The following PLAGL1 variants were observed in gnomAD, a reference collection of about 807,000 sequenced individuals.
PLAGL1 encodes zinc finger protein PLAGL1.
A neutral mutation model predicts 4.6 loss-of-function variants in PLAGL1; 1 was observed. That is an observed-to-expected ratio of 0.22 (90% CI 0.08 to 1.03). PLAGL1 has a LOEUF of 1.03. Among genes scored for constraint, PLAGL1 ranks in the 50% least tolerant of loss-of-function variants. The pLI, the probability that PLAGL1 is intolerant of heterozygous loss-of-function variation, is 0.58. For synonymous variants in PLAGL1, 240 were observed against 237.8 expected (o/e 1.01, Z -0.08); for missense variants, 464 against 570.4 (o/e 0.81, Z 1.90).
intron 1 of PLAGL1, among the ~76,000 whole-genome samples, chr6:144,024,295 T>C (rs1380006182): frequency 6.6e-6 from 1 of 152,022 alleles, no homozygotes; most frequent in African/African-American, 2.4e-5. Context: ...ATGTGAGGGG[T>C]GGGCAGGGAA....
chr6:144,047,201 C>T (rs548245444), intron 1 of PLAGL1, among the ~76,000 whole-genome samples: 4 of 152,324 alleles, frequency 2.6e-5, no homozygotes, highest in African/African-American at 9.6e-5. Context: ...CCATGGGCTG[C>T]ACCCACTGTC....
Position 143,979,472 on chromosome 6 carries a change from C to T in PLAGL1, c.-544+5663G>A, listed in dbSNP as rs1213376526. ...ATTGATTATTTTTCTCTAGTTTTAT[C>T]TCCTTTGGCTTATAACTATGTTTTG... On this transcript the variant is annotated intron_variant, in intron 2 of 7. Transcript: ENST00000674357. This position sits in a 1 kb window ranked among gnomAD's most constrained non-coding sequence, Gnocchi z 4.6. Among the ~76,000 whole-genome samples the T allele has an allele frequency of 6.6e-6, 1 of 151,908 alleles. No individual in the cohort carries two copies. The highest frequency in any genetic ancestry group is 1.5e-5 in the Non-Finnish European group (1 of 67,912).
Position 143,961,528 on chromosome 6 carries a change from T to C in PLAGL1, c.-398-986A>G, listed in dbSNP as rs569589919. The C allele has an allele frequency of 6.6e-6, 1 of 152,366 alleles. No homozygotes were observed. The highest frequency in any genetic ancestry group is 6.5e-5 in the Admixed American group (1 of 15,306). The allele number at this position is 152,366 out of a possible 1,614,324, so 9.4% of individuals were successfully genotyped here. A position where few individuals can be genotyped will look rare whatever the true frequency, so the allele number is the denominator to read the frequency against. ...CAAGGCCATTTTGGGACAACTGTTT[T>C]TAACGTTAATGCATCACAATACAGG... On this transcript the variant is annotated intron_variant, in intron 5 of 7. Transcript: ENST00000674357. The surrounding 1 kb of genome is among the most constrained non-coding windows in gnomAD (Gnocchi z 6.5).
chr6:144,059,513 G>T lies in PLAGL1; in HGVS notation c.-151+4955C>A, dbSNP rs1054477619. ...TTTCCTGGGGACCCTGTGACCTCCT[G>T]CTCTGTAACCTCCCTTCTCAATAAT... On this transcript the variant is annotated intron_variant, in intron 1 of 3. Coordinates refer to the PLAGL1 transcript ENST00000437412. The surrounding 1 kb of genome is among the most constrained non-coding windows in gnomAD (Gnocchi z 4.9). Among the ~76,000 whole-genome samples, 24 of 152,140 alleles carry T rather than the reference G, an allele frequency of 1.6e-4. No individual in the cohort carries two copies. Among genetic ancestry groups the T allele is most frequent in the Non-Finnish European group, 3.2e-4 (22 of 68,034 alleles).
intron 1 of PLAGL1, among the ~76,000 whole-genome samples, chr6:144,024,879 C>T (rs1052719782): frequency 8.6e-5 from 13 of 152,044 alleles, no homozygotes; most frequent in African/African-American, 3.1e-4. Flanking sequence ...CATACTGATA[C>T]AAATAATTGA....
chr6:143,940,626 T>C lies in PLAGL1; in HGVS notation c.*798A>G, dbSNP rs1281263864. ...ATATATATATTTTTAATTCCAGTAA[T>C]ATTTTCTTAAATTCCTGTTAAAAAT... On this transcript the variant is annotated 3_prime_UTR_variant, in exon 8 of 8. Transcript: ENST00000674357. The C allele has an allele frequency of 6.6e-6, 1 of 152,564 alleles. No homozygotes were observed. The highest frequency in any genetic ancestry group is 2.4e-5 in the African/African-American group (1 of 41,562). 9.5% of individuals were successfully genotyped at this position (152,564 alleles called of 1,614,324 possible). A position where few individuals can be genotyped will look rare whatever the true frequency, so the allele number is the denominator to read the frequency against.
At chr6:144,011,692 A>G (rs1355031854), upstream of PLAGL1, among the ~76,000 whole-genome samples, 1 of 152,142 alleles carries the variant, frequency 6.6e-6, no homozygotes, top group Non-Finnish European at 1.5e-5. This position sits in a 1 kb window ranked among gnomAD's most constrained non-coding sequence, Gnocchi z 4.3. Flanking sequence ...TCGGACAAGG[A>G]GAGGTGGGGG....
chr6:143,996,611 C>T (rs1791668519), intron 1 of PLAGL1, among the ~76,000 whole-genome samples: 7 of 134,446 alleles, frequency 5.2e-5, no homozygotes, highest in Admixed American at 5.2e-4. Flanking sequence ...CTTATTTATT[C>T]CCTTTTTTTT....
rs187358890 is a variant in PLAGL1 at position 143,988,424 on chromosome 6, G to C, written c.-583-3250C>G. On this transcript the variant is annotated intron_variant, in intron 1 of 7. Transcript: ENST00000674357. ...TACAATCACAGCAGAGTTAATGGTAGGTTGGCTCCACTTCATCAGAGGTTC... is the reference window on the plus strand; with the variant it reads ...TACAATCACAGCAGAGTTAATGGTACGTTGGCTCCACTTCATCAGAGGTTC... Among the ~76,000 whole-genome samples the C allele has an allele frequency of 1.3e-4, 20 of 152,294 alleles. No homozygotes were observed. In the East Asian group the frequency reaches 3.7e-3, roughly 28 times the overall value.
At chr6:144,014,727 A>C (rs1795453376) in intron 1 of PLAGL1, among the ~76,000 whole-genome samples, 1 of 151,872 alleles carries the variant, frequency 6.6e-6, no homozygotes, top group Non-Finnish European at 1.5e-5. Flanking sequence ...CTACAGAGAG[A>C]TGCCACGGCA....
In PLAGL1 at chr6:143,989,057, T is replaced by C. The variant is rs1013782842; in HGVS notation, c.-583-3883A>G. Among the ~76,000 whole-genome samples, 2 of 151,938 alleles carry C rather than the reference T, an allele frequency of 1.3e-5. No homozygotes were observed. Among genetic ancestry groups the C allele is most frequent in the Non-Finnish European group, 2.9e-5 (2 of 67,970 alleles). ...ATAACAGAGGGAGAAAAATTCAGAG[T>C]AGACCACTCAAAACCTATGCACTTT... On this transcript the variant is annotated intron_variant, in intron 1 of 7. Coordinates refer to ENST00000674357, the MANE Select transcript of PLAGL1 (RefSeq NM_001317162.2). The surrounding 1 kb of genome is among the most constrained non-coding windows in gnomAD (Gnocchi z 4.8).
At position 143,958,713 on chromosome 6, in the gene PLAGL1, T is replaced by C. The variant is rs1440029811; in HGVS notation, c.-325+1756A>G. 6.6e-6 allele frequency among the ~76,000 whole-genome samples: 1 copy of C among 152,254 alleles called. No homozygotes were observed. The highest frequency in any genetic ancestry group is 2.4e-5 in the African/African-American group (1 of 41,468). On this transcript the variant is annotated intron_variant, in intron 6 of 7. Transcript: ENST00000674357. This position sits in a 1 kb window ranked among gnomAD's most constrained non-coding sequence, Gnocchi z 5.1. ...GGTCCTTTAAGATTATCCTGATTCT[T>C]GATTTTTTCTTTTTAAACTGATTAA...
chr6:144,000,810 T>C lies in PLAGL1; in HGVS notation c.-584+7280A>G, dbSNP rs1297802438. Among the ~76,000 whole-genome samples the C allele has an allele frequency of 6.6e-6, 1 of 152,160 alleles. No homozygotes were observed. The highest frequency in any genetic ancestry group is 1.5e-5 in the Non-Finnish European group (1 of 67,996). ...AGAGCTAGACATTCTAAAACAAACC[T>C]TTTAATACTTGCAAAGTTCTAAGAA... On this transcript the variant is annotated intron_variant, in intron 1 of 7. Transcript: ENST00000674357. This position sits in a 1 kb window ranked among gnomAD's most constrained non-coding sequence, Gnocchi z 4.1.
At position 144,058,705 on chromosome 6, in the gene PLAGL1, G is replaced by A. The variant is rs553603335; in HGVS notation, c.-151+5763C>T. 1.5e-4 allele frequency among the ~76,000 whole-genome samples: 23 copies of A among 152,312 alleles called. No individual in the cohort carries two copies. The South Asian group carries it at 4.6e-3, about 30-fold the overall frequency. On this transcript the variant is annotated intron_variant, in intron 1 of 3. Transcript: ENST00000437412. ...AAAGAAAGGGGTAATTTTCATGCAAGTCTGAAACCCAGCAGGGCAGTTATT... is the reference window on the plus strand; with the variant it reads ...AAAGAAAGGGGTAATTTTCATGCAAATCTGAAACCCAGCAGGGCAGTTATT...
intron 1 of PLAGL1, among the ~76,000 whole-genome samples, chr6:144,023,315 G>T (rs1460347777): frequency 6.6e-6 from 1 of 152,124 alleles, no homozygotes; most frequent in African/African-American, 2.4e-5. Flanking sequence ...TAACATAGTG[G>T]TGGATACATA....
upstream of PLAGL1, among the ~76,000 whole-genome samples, chr6:144,011,715 G>T (rs1467875366): frequency 6.6e-6 from 1 of 152,214 alleles, no homozygotes; most frequent in Non-Finnish European, 1.5e-5. The surrounding 1 kb of genome is among the most constrained non-coding windows in gnomAD (Gnocchi z 4.3). Flanking sequence ...AAGGGGATGT[G>T]TGGAATTCAG....
chr6:143,942,233 G>A lies in PLAGL1; in HGVS notation c.583C>T (p.Arg195Cys), dbSNP rs1477525550. 1 of 1,614,098 alleles carries A rather than the reference G, an allele frequency of 6.2e-7. No individual in the cohort carries two copies. The highest frequency in any genetic ancestry group is 1.1e-5 in the South Asian group (1 of 91,070). The change falls in exon 8 of 8, where the codon CGC (arginine) becomes TGC (cysteine). Residue 195 changes from arginine to cysteine, a missense_variant. This residue lies in a region of PLAGL1 where 35 missense variants were observed against 77.3 expected (regional missense o/e 0.45). Coordinates refer to ENST00000674357, the MANE Select transcript of PLAGL1 (RefSeq NM_001317162.2). The surrounding 1 kb of genome is among the most constrained non-coding windows in gnomAD (Gnocchi z 7.6). ...LCQFCAQRFG[R>C]KDHLTRHTKK... ...GTATGCCGGGTGAGGTGATCCTTGC[G>A]CCCAAATCTCTGGGCACAGAACTGG...
rs9321955 is a variant in PLAGL1, at chr6:143,983,590, A to C, written c.-544+1545T>G. Among the ~76,000 whole-genome samples the C allele has an allele frequency of 0.74, 112,532 of 152,016 alleles. 42,174 individuals carry two copies. The highest frequency in any genetic ancestry group is 0.88 in the East Asian group (4,519 of 5,160). ...TGCTGCAGGCATGGAATCAGCAAAC[A>C]AAGGCACTGGGATATAGATGGCTAA... On this transcript the variant is annotated intron_variant, in intron 2 of 7. Transcript: ENST00000674357. The surrounding 1 kb of genome is among the most constrained non-coding windows in gnomAD (Gnocchi z 6.6).
intron 1 of PLAGL1, among the ~76,000 whole-genome samples, chr6:143,988,093 G>A (rs1453909124): frequency 6.6e-6 from 1 of 152,174 alleles, no homozygotes; most frequent in East Asian, 1.9e-4. Flanking sequence ...TGTTTGTCCA[G>A]TAAGTCTTGG....
Sources: gnomAD v4.1 joint callset for allele counts (sites outside exome capture counted in the v4.1 genomes callset) on GRCh38, gnomAD v4.1.1 for gene constraint, gnomAD v4.1.1 regional missense constraint, Gnocchi (gnomAD v3.1) non-coding constraint, MANE v1.5 for transcripts, NCBI Gene and HGNC (gene_info 2026-07-23, HGNC 2026-07-21) for gene names.